CREB3L3: variants seen among roughly 807,000 people sequenced by gnomAD.
The protein encoded by CREB3L3 is cyclic AMP-responsive element-binding protein 3-like protein 3.
A neutral mutation model predicts 44.6 loss-of-function variants in CREB3L3; 40 were observed. That is an observed-to-expected ratio of 0.90 (90% CI 0.70 to 1.17). The LOEUF is 1.17. Among genes scored for constraint, CREB3L3 ranks in the 50% most tolerant of loss-of-function variants. The probability of loss-of-function intolerance (pLI) is 0.00; values close to 1 mark genes in which losing one functional copy is unlikely to be tolerated. For missense variants in CREB3L3, 578 were observed against 595.8 expected (o/e 0.97, Z 0.31); for synonymous variants, 273 against 256.3 (o/e 1.06, Z -0.62).
intron 6 of CREB3L3, among the ~76,000 whole-genome samples, chr19:4,169,514 T>A (rs1250632627): frequency 6.8e-6 from 1 of 146,304 alleles, no homozygotes; most frequent in Admixed American, 6.9e-5. Flanking sequence ...AACTTGAGTC[T>A]CCCAGGATGC....
chr19:4,160,604 G>A (rs2041646460), intron 4 of CREB3L3, among the ~76,000 whole-genome samples: 1 of 151,976 alleles, frequency 6.6e-6, no homozygotes, highest in African/African-American at 2.4e-5. Context: ...TGCCCAGGCT[G>A]GAGTGCAGTG....
chr19:4,168,486 C>A lies in CREB3L3; in HGVS notation c.821+29C>A, dbSNP rs766674132. On this transcript the variant is annotated intron_variant, in intron 6 of 9. Transcript: ENST00000078445. ...GGTAGTGCTGGACCCAGACTCTACA[C>A]TCGTGGAGGAAACTGAGGCCCAGAG... The A allele has an allele frequency of 7.1e-6, 11 of 1,539,734 alleles. No individual in the cohort carries two copies. In the East Asian group the frequency reaches 2.1e-4, roughly 29 times the overall value.
At chr19:4,162,951 C>T (rs566704106) in intron 4 of CREB3L3, among the ~76,000 whole-genome samples, 19 of 151,848 alleles carry the variant, frequency 1.3e-4, no homozygotes, top group Non-Finnish European at 2.4e-4. Context: ...CACTCCAACC[C>T]GGGTGAAGTA....
intron 5 of CREB3L3, among the ~76,000 whole-genome samples, chr19:4,165,768 A>G (rs1966891843): frequency 6.6e-6 from 1 of 151,748 alleles, no homozygotes; most frequent in African/African-American, 2.4e-5. Flanking sequence ...CCAGCTTCTC[A>G]GGAGGCTGAG....
At chr19:4,161,183 C>T (rs578144931) in intron 4 of CREB3L3, among the ~76,000 whole-genome samples, 8 of 152,204 alleles carry the variant, frequency 5.3e-5, no homozygotes, top group African/African-American at 1.4e-4. Context: ...AGGATGGTCT[C>T]GATCTCCTGA....
Position 4,173,022 on chromosome 19 carries a change from C to T in CREB3L3, c.*1053C>T, listed in dbSNP as rs1345066834. 2 of 152,684 alleles carry T rather than the reference C, an allele frequency of 1.3e-5. No homozygotes were observed. Among genetic ancestry groups the T allele is most frequent in the Non-Finnish European group, 2.9e-5 (2 of 68,398 alleles). The allele number at this position is 152,684 out of a possible 1,614,324, so 9.5% of individuals were successfully genotyped here. Reference sequence around the variant, plus strand: ...CCACAATCACCCCCCTTTTCTAAGACTGCCTGATCCGAAATAAAGTATTTT... The same window carrying T: ...CCACAATCACCCCCCTTTTCTAAGATTGCCTGATCCGAAATAAAGTATTTT... On this transcript the variant is annotated 3_prime_UTR_variant, in exon 10 of 10. Coordinates refer to ENST00000078445, the MANE Select transcript of CREB3L3 (RefSeq NM_032607.3).
At position 4,171,238 on chromosome 19, in the gene CREB3L3, G is replaced by C; in HGVS notation, c.975+63G>C. 2 of 1,510,198 alleles carry C rather than the reference G, an allele frequency of 1.3e-6. No homozygotes were observed. The highest frequency in any genetic ancestry group is 1.8e-6 in the Non-Finnish European group (2 of 1,085,878). 93.5% of individuals were successfully genotyped at this position (1,510,198 alleles called of 1,614,324 possible). On this transcript the variant is annotated intron_variant, in intron 8 of 9. Coordinates refer to ENST00000078445, the MANE Select transcript of CREB3L3 (RefSeq NM_032607.3). The surrounding 1 kb of genome is among the most constrained non-coding windows in gnomAD (Gnocchi z 4.9). ...GCTTCTGTAGAGGGGCCCATAGGGA[G>C]GTGACAATGAGTCCAAGCTCTCCTT...
At chr19:4,161,061 G>A (rs576367586) in intron 4 of CREB3L3, among the ~76,000 whole-genome samples, 5 of 152,146 alleles carry the variant, frequency 3.3e-5, no homozygotes, top group Admixed American at 6.5e-5. Flanking sequence ...ACAGGCGCCC[G>A]CCACCACACC....
Position 4,170,170 on chromosome 19 carries a change from GT to G in CREB3L3, c.854del (p.Leu285TyrfsTer19). The G allele has an allele frequency of 1.9e-6, 3 of 1,614,114 alleles. No homozygotes were observed. Among genetic ancestry groups the G allele is most frequent in the Non-Finnish European group, 2.5e-6 (3 of 1,180,000 alleles). Reference sequence around the variant, plus strand: ...CAGCTTGCACTGCTCAGAATCAGGAGTTACAGAGGAAAGTCTTGCATCTCGA... The same window carrying G: ...CAGCTTGCACTGCTCAGAATCAGGAGTACAGAGGAAAGTCTTGCATCTCGA... ...MSACTAQNQE[L>X]QRKVLHLEKQ... is the part of the protein sequence containing the mutation. On this transcript the variant is annotated frameshift_variant, in exon 7 of 10. Transcript: ENST00000078445. LOFTEE classifies it high-confidence loss of function.
chr19:4,153,850 G>T, intron 1 of CREB3L3, 76 bp downstream of exon 1: 1 of 1,508,966 alleles, frequency 6.6e-7, no homozygotes. Flanking sequence ...GAGCTGGAAG[G>T]ACCCCATCTC....
chr19:4,172,022 T>A lies in CREB3L3; in HGVS notation c.*53T>A, dbSNP rs866509873. On this transcript the variant is annotated 3_prime_UTR_variant, in exon 10 of 10. Transcript: ENST00000078445. Reference sequence around the variant, plus strand: ...CCTCTGCCCAGGGGTGCCTTGGGGATGCTGCACTGGGCAGCTACCCACCTG... The same window carrying A: ...CCTCTGCCCAGGGGTGCCTTGGGGAAGCTGCACTGGGCAGCTACCCACCTG... The A allele has an allele frequency of 1.3e-6, 2 of 1,495,370 alleles. No individual in the cohort carries two copies. Among genetic ancestry groups the A allele is most frequent in the South Asian group, 2.5e-5 (2 of 81,472 alleles). 92.6% of individuals were successfully genotyped at this position (1,495,370 alleles called of 1,614,324 possible).
At position 4,172,134 on chromosome 19, in the gene CREB3L3, G is replaced by A. The variant is rs1967065796; in HGVS notation, c.*165G>A. On this transcript the variant is annotated 3_prime_UTR_variant, in exon 10 of 10. Coordinates refer to ENST00000078445, the MANE Select transcript of CREB3L3 (RefSeq NM_032607.3). The stretch of plus-strand genomic sequence containing the variant: ...AGCCACACACCCAGGGCCTGACTGA[G>A]GCCCACGCAGGAACCGACACTCAGA... The A allele has an allele frequency of 2.7e-6, 2 of 736,478 alleles. No homozygotes were observed. Among genetic ancestry groups the A allele is most frequent in the Non-Finnish European group, 4.3e-6 (2 of 462,346 alleles). 45.6% of individuals were successfully genotyped at this position (736,478 alleles called of 1,614,324 possible). A position where few individuals can be genotyped will look rare whatever the true frequency, so the allele number is the denominator to read the frequency against.
chr19:4,155,874 A>T (rs1457301189), intron 2 of CREB3L3, among the ~76,000 whole-genome samples: 2 of 150,922 alleles, frequency 1.3e-5, no homozygotes, highest in East Asian at 2.0e-4. Flanking sequence ...CAACTTCCCG[A>T]GTAGCTGGGA....
Position 4,170,999 on chromosome 19 carries a change from G to A in CREB3L3, c.891-92G>A, listed in dbSNP as rs542033013. The A allele has an allele frequency of 1.3e-5, 11 of 856,714 alleles. No homozygotes were observed. In the African/African-American group the frequency reaches 1.5e-4, roughly 12 times the overall value. The allele number at this position is 856,714 out of a possible 1,614,324, so 53.1% of individuals were successfully genotyped here. A position where few individuals can be genotyped will look rare whatever the true frequency, so the allele number is the denominator to read the frequency against. On this transcript the variant is annotated intron_variant, in intron 7 of 9. Coordinates refer to ENST00000078445, the MANE Select transcript of CREB3L3 (RefSeq NM_032607.3). ...GGCCCTTGAAGAATGGATGGAATTT[G>A]GACTTTAGCGGGGCTGGGGGACCCC...
At chr19:4,169,466 C>A (rs1038344934) in intron 6 of CREB3L3, among the ~76,000 whole-genome samples, 6 of 151,650 alleles carry the variant, frequency 4.0e-5, no homozygotes, top group African/African-American at 1.5e-4. Flanking sequence ...GGCGACAGAG[C>A]GAGACTCCAT....
In CREB3L3 at chr19:4,163,970, ATTTTTT is replaced by A. The variant is rs746262345; in HGVS notation, c.577-517_577-512del. On this transcript the variant is annotated intron_variant, in intron 4 of 9. Coordinates refer to ENST00000078445, the MANE Select transcript of CREB3L3 (RefSeq NM_032607.3). Reference sequence around the variant, plus strand: ...CAGGCGCCGCCACCATGGTCGGGTAATTTTTTTTTTTTTTTTTTTTTGAGACGGAGT... The same window carrying A: ...CAGGCGCCGCCACCATGGTCGGGTAATTTTTTTTTTTTTTTGAGACGGAGT... Among the ~76,000 whole-genome samples, 11 of 114,892 alleles carry A rather than the reference ATTTTTT, an allele frequency of 9.6e-5. No individual in the cohort carries two copies. The South Asian group carries it at 1.8e-3, about 19-fold the overall frequency. The allele number at this position is 114,892 out of a possible 152,430, so 75.4% of individuals were successfully genotyped here.
chr19:4,153,893 C>A, intron 1 of CREB3L3, 119 bp downstream of exon 1: 1 of 1,201,160 alleles, frequency 8.3e-7, no homozygotes, highest in East Asian at 2.5e-5. Context: ...AGACTGAGGC[C>A]CAGAGAAAGG....
In CREB3L3 at chr19:4,171,092, T is replaced by A; in HGVS notation, c.892T>A (p.Ser298Thr). The A allele has an allele frequency of 1.9e-6, 3 of 1,613,460 alleles. No homozygotes were observed. Among genetic ancestry groups the A allele is most frequent in the African/African-American group, 1.3e-5 (1 of 74,952 alleles). Residue 298 changes from serine (S) to threonine (T), a missense_variant and splice_region_variant, in exon 8 of 10, where the codon TCC becomes ACC. By Grantham distance (58) the Ser-to-Thr change is moderately conservative. Coordinates refer to ENST00000078445, the MANE Select transcript of CREB3L3 (RefSeq NM_032607.3). The surrounding 1 kb of genome is among the most constrained non-coding windows in gnomAD (Gnocchi z 4.9). ...KVLHLEKQNL[S>T]LLEQLKKLQA... ...CGGAGGCCTGCCTGTCTCTCTAAGG[T>A]CCCTCTTGGAGCAACTGAAGAAACT...
At chr19:4,163,605 C>T (rs567052362) in intron 4 of CREB3L3, among the ~76,000 whole-genome samples, 119 of 152,074 alleles carry the variant, frequency 7.8e-4, no homozygotes, top group African/African-American at 2.0e-3. Context: ...CCCTGCCTCC[C>T]GGGTTCAAGC....
Sources: gnomAD v4.1 joint callset for allele counts (sites outside exome capture counted in the v4.1 genomes callset) on GRCh38, gnomAD v4.1.1 for gene constraint, Gnocchi (gnomAD v3.1) non-coding constraint, MANE v1.5 for transcripts, NCBI Gene and HGNC (gene_info 2026-07-23, HGNC 2026-07-21) for gene names.